The following MAOA variants were observed in gnomAD, a reference collection of about 807,000 sequenced individuals.
MAOA encodes amine oxidase [flavin-containing] A.
MAOA carries 6 observed loss-of-function variants against 42.0 expected under a neutral mutation model. That is an observed-to-expected ratio of 0.14 (90% confidence interval 0.08 to 0.28). MAOA has a LOEUF of 0.28. Ranked by LOEUF, MAOA falls within the 10% of genes least tolerant of loss-of-function variation. The probability of loss-of-function intolerance (pLI) is 1.00; values close to 1 mark genes in which losing one functional copy is unlikely to be tolerated. For missense variants in MAOA, 262 were observed against 422.3 expected, an observed-to-expected ratio of 0.62 and a Z score of 3.33; for synonymous variants, 140 against 154.0, an observed-to-expected ratio of 0.91 and a Z score of 0.67.
At chrX:43,667,477 G>C (rs775712937) in intron 1 of MAOA, among the ~76,000 whole-genome samples, 5 of 111,426 alleles carry the variant, frequency 4.5e-5, no homozygotes, top group Non-Finnish European at 9.4e-5. Flanking sequence ...TATGATACTT[G>C]TGAAGGGGTA....
At chrX:43,682,308 A>G (rs2310884) in intron 1 of MAOA, among the ~76,000 whole-genome samples, 1 of 111,375 alleles carries the variant, frequency 9.0e-6, no homozygotes, top group Non-Finnish European at 1.9e-5. Context: ...CAATGAAGAA[A>G]TGCCTGATTC....
chrX:43,731,432 T>C (rs370336843), intron 7 of MAOA, 42 bp downstream of exon 7: 229 of 1,141,031 alleles, frequency 2.0e-4, no homozygotes, highest in Non-Finnish European at 2.5e-4. Context: ...TAAATAGGCC[T>C]TGTGTCTTTT....
At position 43,686,016 on chromosome X, in the gene MAOA, G is replaced by A. The variant is rs532613026; in HGVS notation, c.168+2409G>A. ...AATAAGATACTATCTAAATGTCCTC[G>A]AAGAAACTCCCTTCCATCTTCAAAT... On this transcript the variant is annotated intron_variant, in intron 2 of 14. Coordinates refer to ENST00000338702, the MANE Select transcript of MAOA (RefSeq NM_000240.4). Among the ~76,000 whole-genome samples the A allele has an allele frequency of 6.3e-5, 7 of 111,774 alleles. No individual in the cohort carries two copies. The South Asian group carries it at 1.5e-3, about 24-fold the overall frequency.
At chrX:43,714,268 G>A (rs959530878) in intron 5 of MAOA, among the ~76,000 whole-genome samples, 1 of 110,962 alleles carries the variant, frequency 9.0e-6, no homozygotes, top group Non-Finnish European at 1.9e-5. Context: ...GGCATTGGGG[G>A]ATTTTGTCTT....
intron 2 of MAOA, among the ~76,000 whole-genome samples, chrX:43,687,616 T>C (rs1243108942): frequency 8.9e-6 from 1 of 112,183 alleles, no homozygotes; most frequent in African/African-American, 3.2e-5. Flanking sequence ...TTGAAATAAG[T>C]AAAATGCTGA....
chrX:43,717,696 A>G (rs2033755370), intron 5 of MAOA, among the ~76,000 whole-genome samples: 1 of 110,350 alleles, frequency 9.1e-6, no homozygotes, highest in East Asian at 2.9e-4. Context: ...ATCTTCCATG[A>G]ATGACCCACT....
At chrX:43,708,647 T>C (rs992437153) in intron 3 of MAOA, among the ~76,000 whole-genome samples, 1 of 107,846 alleles carries the variant, frequency 9.3e-6, no homozygotes, top group African/African-American at 3.5e-5. Context: ...TATGGGCCTT[T>C]ATGGTCTTCT....
At chrX:43,656,767 G>A (rs1481364004) in intron 1 of MAOA, among the ~76,000 whole-genome samples, 1 of 110,903 alleles carries the variant, frequency 9.0e-6, no homozygotes, top group Non-Finnish European at 1.9e-5. Flanking sequence ...AGAAACTGAG[G>A]TCTGGGGAGT....
chrX:43,738,106 G>A (rs927340792), intron 10 of MAOA, among the ~76,000 whole-genome samples: 1 of 111,741 alleles, frequency 8.9e-6, no homozygotes, highest in African/African-American at 3.3e-5. Flanking sequence ...TTTGAGGTGG[G>A]GCCTGTGTAT....
chrX:43,726,528 C>G (rs2033836960), intron 5 of MAOA, among the ~76,000 whole-genome samples: 1 of 112,060 alleles, frequency 8.9e-6, no homozygotes, highest in Non-Finnish European at 1.9e-5. Flanking sequence ...TCCATCAGGT[C>G]ATTTATGTTC....
At position 43,657,273 on chromosome X, in the gene MAOA, T is replaced by TTATATATATATATATGAACTGTGTTTATA. The variant is rs1569187437; in HGVS notation, c.73+874_73+875insGAACTGTGTTTATATATATATATATATAT. On this transcript the variant is annotated intron_variant, in intron 1 of 14. Transcript: ENST00000338702. The stretch of plus-strand genomic sequence containing the variant: ...TTATATATATATATATGAACTGTGT[T>TTATATATATATATATGAACTGTGTTTATA]TATATATATATATATATGAACTGTG... Among the ~76,000 whole-genome samples, 33 of 79,440 alleles carry TTATATATATATATATGAACTGTGTTTATA rather than the reference T, an allele frequency of 4.2e-4. 1 individual carries two copies. The highest frequency in any genetic ancestry group is 1.1e-3 in the South Asian group (2 of 1,781). 69.0% of individuals were successfully genotyped at this position (79,440 alleles called of 115,157 possible). A position where few individuals can be genotyped will look rare whatever the true frequency, so the allele number is the denominator to read the frequency against.
chrX:43,711,483 C>T (rs1320622649), intron 3 of MAOA, among the ~76,000 whole-genome samples: 1 of 112,281 alleles, frequency 8.9e-6, no homozygotes, highest in Non-Finnish European at 1.9e-5. Flanking sequence ...ACGTCATCAT[C>T]CTGCTCTCGT....
chrX:43,742,679 T>C (rs2033968565), intron 12 of MAOA, among the ~76,000 whole-genome samples: 1 of 111,972 alleles, frequency 8.9e-6, no homozygotes, highest in Non-Finnish European at 1.9e-5. Context: ...TCCTACCAGG[T>C]ATTTACAATT....
At chrX:43,717,729 G>T (rs939255936) in intron 5 of MAOA, among the ~76,000 whole-genome samples, 3 of 110,812 alleles carry the variant, frequency 2.7e-5, no homozygotes, top group Non-Finnish European at 5.7e-5. Context: ...AGACTGGTAG[G>T]GTAGATGGTT....
chrX:43,687,767 G>A (rs2033498594), intron 2 of MAOA, among the ~76,000 whole-genome samples: 1 of 112,475 alleles, frequency 8.9e-6, no homozygotes, highest in Admixed American at 9.4e-5. Context: ...GCCCATGTTA[G>A]AAGATGGCAA....
intron 1 of MAOA, among the ~76,000 whole-genome samples, chrX:43,676,255 G>A (rs754951276): frequency 3.5e-4 from 39 of 112,108 alleles, no homozygotes; most frequent in Non-Finnish European, 6.0e-4. Context: ...AGCCAGGTGC[G>A]GGATTTAATC....
At chrX:43,670,191 T>C (rs1282817177) in intron 1 of MAOA, among the ~76,000 whole-genome samples, 1 of 112,215 alleles carries the variant, frequency 8.9e-6, no homozygotes, top group Non-Finnish European at 1.9e-5. Context: ...GAAGAAACTT[T>C]CTTAAGATTA....
chrX:43,675,907 T>G (rs896365557), intron 1 of MAOA, among the ~76,000 whole-genome samples: 2 of 112,229 alleles, frequency 1.8e-5, no homozygotes, highest in African/African-American at 3.2e-5. Context: ...GGACCCACTT[T>G]AGGAGGCAGT....
rs191930657 is a variant in MAOA at position 43,682,100 on chromosome X, C to T, written c.74-1413C>T. ...GTTTCACCATTTTAGCCAGGATGGT[C>T]TCGATCTCTTGACCTCGTGATCCAC... On this transcript the variant is annotated intron_variant, in intron 1 of 14. Transcript: ENST00000338702. Among the ~76,000 whole-genome samples, 26 of 110,670 alleles carry T rather than the reference C, an allele frequency of 2.3e-4. No homozygotes were observed. The East Asian group carries it at 4.3e-3, about 18-fold the overall frequency.
Sources: allele counts gnomAD v4.1 joint callset (sites outside exome capture counted in the v4.1 genomes callset), GRCh38; gene constraint gnomAD v4.1.1; transcripts MANE v1.5; gene names NCBI Gene and HGNC (gene_info 2026-07-23, HGNC 2026-07-21).